The following KHDRBS2 variants were observed in gnomAD, a reference collection of about 807,000 sequenced individuals.
KHDRBS2 encodes KH domain-containing, RNA-binding, signal transduction-associated protein 2.
A neutral mutation model predicts 44.3 loss-of-function variants in KHDRBS2; 26 were observed. The ratio of observed to expected loss-of-function variants is 0.59; its 90% CI spans 0.43 to 0.81. KHDRBS2 has a LOEUF of 0.81. Ranked by LOEUF, KHDRBS2 falls within the 40% of genes least tolerant of loss-of-function variation. KHDRBS2 has a pLI of 0.00. For synonymous variants in KHDRBS2, 194 were observed against 151.1 expected, an observed-to-expected ratio of 1.28 and a Z score of -2.08; for missense variants, 476 against 433.1, an observed-to-expected ratio of 1.10 and a Z score of -0.88.
chr6:61,767,678 T>C (rs1780209633), intron 6 of KHDRBS2, among the ~76,000 whole-genome samples: 1 of 152,126 alleles, frequency 6.6e-6, no homozygotes, highest in South Asian at 2.1e-4. Context: ...GGCTTGTGAA[T>C]AACATCTTAT....
intron 2 of KHDRBS2, among the ~76,000 whole-genome samples, chr6:62,116,809 T>C (rs756956388): frequency 6.6e-6 from 1 of 152,100 alleles, no homozygotes; most frequent in South Asian, 2.1e-4. Flanking sequence ...CTCTACTCCC[T>C]ATGTCTGTGA....
intron 6 of KHDRBS2, among the ~76,000 whole-genome samples, chr6:61,850,588 C>T (rs188550259): frequency 9.6e-4 from 146 of 152,220 alleles, no homozygotes; most frequent in Non-Finnish European, 3.1e-4. Context: ...AATCACACTT[C>T]AGAAAAGGTC....
At chr6:61,848,563 G>GTATATATATATACATATA (rs1794947882) in intron 6 of KHDRBS2, among the ~76,000 whole-genome samples, 1 of 22,188 alleles carries the variant, frequency 4.5e-5, no homozygotes, top group Non-Finnish European at 7.5e-5. Flanking sequence ...ATATATATAT[G>GTATATATATATACATATA]TATATATATA....
chr6:61,990,839 A>G (rs1230093309), intron 3 of KHDRBS2, among the ~76,000 whole-genome samples: 3 of 151,736 alleles, frequency 2.0e-5, no homozygotes, highest in Non-Finnish European at 4.4e-5. Context: ...CCTCCTGGGT[A>G]GCTGGGACTA....
rs1165594001 is a variant in KHDRBS2 at position 62,014,253 on chromosome 6, T to C, written c.336+33625A>G. Among the ~76,000 whole-genome samples the C allele has an allele frequency of 2.0e-4, 31 of 152,188 alleles. 1 individual carries two copies. The highest frequency in any genetic ancestry group is 1.7e-3 in the Admixed American group (26 of 15,266). On this transcript the variant is annotated intron_variant, in intron 3 of 8. Coordinates refer to ENST00000281156, the MANE Select transcript of KHDRBS2 (RefSeq NM_152688.4). ...ATATATTAGTTTCAAATGTCTTTGA[T>C]AAGAATCAATTACATTTAAATTTTC...
intron 6 of KHDRBS2, among the ~76,000 whole-genome samples, chr6:61,845,309 GTT>G (rs35774578): frequency 2.4e-5 from 3 of 125,792 alleles, no homozygotes; most frequent in Non-Finnish European, 5.0e-5. Flanking sequence ...ACAGTTCCTT[GTT>G]TTTTTTTTTT....
the KHDRBS2 span, among the ~76,000 whole-genome samples, chr6:61,634,534 T>A: frequency 1.3e-4 from 9 of 71,390 alleles, no homozygotes; most frequent in Non-Finnish European, 1.2e-4. Context: ...ACACTGGTGT[T>A]GTTTAACTCC....
At chr6:61,966,540 A>G (rs1769982822) in intron 4 of KHDRBS2, among the ~76,000 whole-genome samples, 2 of 151,918 alleles carry the variant, frequency 1.3e-5, no homozygotes, top group South Asian at 4.1e-4. Flanking sequence ...GTTTCTTCTC[A>G]TTTTGAAAGT....
Position 61,732,729 on chromosome 6 carries a change from G to A in KHDRBS2, c.846C>T (p.Asp282=), listed in dbSNP as rs1160490135. 3.7e-6 allele frequency: 6 copies of A among 1,611,620 alleles called. No homozygotes were observed. Among genetic ancestry groups the A allele is most frequent in the Non-Finnish European group, 4.2e-6 (5 of 1,177,906 alleles). The part of the protein sequence containing the change: ...YDDGYGGEYD[D]QTYETYDNSY... ...TGTTATCATAAGTCTCATAGGTCTG[G>A]TCATCATATTCACCCCCGTAGCCAT... The change falls in exon 7 of 9, where the codon GAC becomes GAT. Residue 282 remains aspartate, a synonymous_variant. Transcript: ENST00000281156.
chr6:61,948,266 C>G (rs1463271215), intron 4 of KHDRBS2, among the ~76,000 whole-genome samples: 1 of 151,934 alleles, frequency 6.6e-6, no homozygotes, highest in Non-Finnish European at 1.5e-5. Context: ...GCTTTTTAGT[C>G]TAACTTTTCA....
chr6:62,268,872 G>T (rs1434396961), intron 1 of KHDRBS2, among the ~76,000 whole-genome samples: 1 of 151,822 alleles, frequency 6.6e-6, no homozygotes, highest in Non-Finnish European at 1.5e-5. Context: ...GTCATGCAGA[G>T]GGTCAATATT....
the KHDRBS2 span, among the ~76,000 whole-genome samples, chr6:61,672,437 G>A: frequency 2.0e-5 from 3 of 152,008 alleles, no homozygotes; most frequent in South Asian, 4.1e-4. Flanking sequence ...TTCCACAATG[G>A]CTGAACTAGT....
At chr6:61,971,342 A>C (rs528886345) in intron 4 of KHDRBS2, among the ~76,000 whole-genome samples, 72 of 152,188 alleles carry the variant, frequency 4.7e-4, no homozygotes, top group African/African-American at 1.7e-3. Context: ...GAATCAATAC[A>C]TTTTTCATTG....
chr6:61,720,549 T>C (rs1772289622), intron 7 of KHDRBS2, among the ~76,000 whole-genome samples: 1 of 152,248 alleles, frequency 6.6e-6, no homozygotes, highest in African/African-American at 2.4e-5. Context: ...CATTTTTTCA[T>C]GTGTTTTTTG....
chr6:61,594,539 T>A, the KHDRBS2 span, among the ~76,000 whole-genome samples: 1 of 152,114 alleles, frequency 6.6e-6, no homozygotes, highest in Non-Finnish European at 1.5e-5. Context: ...GACAAAAGGC[T>A]TAAAATGGCC....
chr6:62,043,582 C>T (rs1329991195), intron 3 of KHDRBS2, among the ~76,000 whole-genome samples: 3 of 151,976 alleles, frequency 2.0e-5, no homozygotes, highest in Non-Finnish European at 2.9e-5. Flanking sequence ...GAAATCATGA[C>T]TATATGGTAG....
At chr6:62,009,675 C>T (rs1435638360) in intron 3 of KHDRBS2, among the ~76,000 whole-genome samples, 9 of 152,164 alleles carry the variant, frequency 5.9e-5, no homozygotes, top group Admixed American at 5.9e-4. Flanking sequence ...TGCCCTGTGT[C>T]CCTGCCACTC....
At chr6:62,198,127 A>G (rs1218094381) in intron 1 of KHDRBS2, among the ~76,000 whole-genome samples, 2 of 152,216 alleles carry the variant, frequency 1.3e-5, no homozygotes, top group Non-Finnish European at 2.9e-5. Context: ...TGCCCACAAG[A>G]GAAAGCAGGA....
At chr6:61,784,648 A>G (rs1049707790) in intron 6 of KHDRBS2, among the ~76,000 whole-genome samples, 5 of 152,178 alleles carry the variant, frequency 3.3e-5, no homozygotes, top group Non-Finnish European at 5.9e-5. Flanking sequence ...TTTCTGGTGA[A>G]TACATTAGGT....
Sources: allele counts gnomAD v4.1 joint callset (sites outside exome capture counted in the v4.1 genomes callset), GRCh38; gene constraint gnomAD v4.1.1; transcripts MANE v1.5; gene names NCBI Gene and HGNC (gene_info 2026-07-23, HGNC 2026-07-21).